Variants in MAPRE2 observed in about 807,000 individuals in gnomAD.
MAPRE2 encodes the protein microtubule associated protein RP/EB family member 2.
In MAPRE2, 13 loss-of-function variants were observed where a neutral mutation model predicts 43.2. The ratio of observed to expected loss-of-function variants is 0.30; its 90% CI spans 0.20 to 0.48. The LOEUF (loss-of-function observed/expected upper bound fraction) is 0.48, where lower values mean the gene tolerates loss of function less well. Among genes scored for constraint, MAPRE2 ranks in the 20% least tolerant of loss-of-function variants. The pLI is 0.99. For synonymous variants in MAPRE2, 135 were observed against 148.8 expected, an observed-to-expected ratio of 0.91 and a Z score of 0.68; for missense variants, 161 against 400.2, an observed-to-expected ratio of 0.40 and a Z score of 5.10.
chr18:35,085,797 C>G (rs566408), intron 2 of MAPRE2, among the ~76,000 whole-genome samples: 112,236 of 152,118 alleles, frequency 0.74, 42,613 homozygotes, highest in African/African-American at 0.93. Flanking sequence ...ACGTTTTGCA[C>G]ATAAGAATAC....
intron 1 of MAPRE2, among the ~76,000 whole-genome samples, chr18:34,992,726 G>A (rs2097024437): frequency 6.6e-6 from 1 of 152,162 alleles, no homozygotes; most frequent in Non-Finnish European, 1.5e-5. Flanking sequence ...CTTTAAATTG[G>A]AATAGGCAGA....
In MAPRE2 at chr18:35,126,963, G is replaced by A; in HGVS notation, c.626G>A (p.Ser209Asn). ...TTGCTTTCAGGTGCAGCTAAATCAA[G>A]TCCAGCAGCTAAACCAGGATCCACA... The part of the protein sequence containing the change: ...NSPTAGAAKS[S>N]PAAKPGSTPS... Residue 209 changes from serine to asparagine, a missense_variant, in exon 5 of 7, where the codon AGT (serine) becomes AAT (asparagine). Transcript: ENST00000300249. 1.2e-6 allele frequency: 2 copies of A among 1,613,936 alleles called. No individual in the cohort carries two copies. Among genetic ancestry groups the A allele is most frequent in the Non-Finnish European group, 1.7e-6 (2 of 1,179,936 alleles).
At chr18:35,080,812 GC>G (rs113792705) in intron 2 of MAPRE2, among the ~76,000 whole-genome samples, 42,493 of 151,366 alleles carry the variant, frequency 0.28, 8,146 homozygotes, top group African/African-American at 0.53. Flanking sequence ...TTTTCAGATT[GC>G]GTTTTTTTTT....
chr18:34,985,111 T>C (rs568198416), intron 1 of MAPRE2, among the ~76,000 whole-genome samples: 27 of 86,192 alleles, frequency 3.1e-4, no homozygotes, highest in African/African-American at 1.3e-3. Flanking sequence ...TATATAAATA[T>C]TATATACTAT....
intron 6 of MAPRE2, among the ~76,000 whole-genome samples, chr18:35,137,651 C>G (rs1334052028): frequency 6.6e-6 from 1 of 152,222 alleles, no homozygotes; most frequent in South Asian, 2.1e-4. Context: ...ACCACACTCA[C>G]GTTCAAGAGT....
intron 1 of MAPRE2, among the ~76,000 whole-genome samples, chr18:35,054,977 A>C (rs752629793): frequency 6.6e-6 from 1 of 152,238 alleles, no homozygotes; most frequent in African/African-American, 2.4e-5. Context: ...TGTTAAAATA[A>C]AATTCTGAAA....
Position 35,140,356 on chromosome 18 carries a change from A to G in MAPRE2, c.971A>G (p.Gln324Arg). 1 of 1,613,036 alleles carries G rather than the reference A, an allele frequency of 6.2e-7. No homozygotes were observed. Among genetic ancestry groups the G allele is most frequent in the Non-Finnish European group, 8.5e-7 (1 of 1,179,570 alleles). ...EQAHEQQPPQQEEY is the reference protein window; with the variant it reads ...EQAHEQQPPQREEY ...GCCCACGAACAGCAGCCCCCGCAGC[A>G]GGAAGAGTACTGACCCACCCCGGCT... Residue 324 changes from glutamine (Q) to arginine (R), a missense_variant, in exon 7 of 7, where the codon CAG becomes CGG. Physicochemically the swap from Gln to Arg is conservative, Grantham distance 43. This residue lies in a region of MAPRE2 where 96 missense variants were observed against 153.3 expected (regional missense o/e 0.63). Coordinates refer to ENST00000300249, the MANE Select transcript of MAPRE2 (RefSeq NM_014268.4).
intron 1 of MAPRE2, among the ~76,000 whole-genome samples, chr18:35,063,471 A>C (rs1381676855): frequency 7.1e-6 from 1 of 140,170 alleles, no homozygotes; most frequent in Non-Finnish European, 1.5e-5. Context: ...GGAGTGACAT[A>C]AAGAAGGTAA....
chr18:34,993,751 T>A (rs1224456736), intron 1 of MAPRE2, among the ~76,000 whole-genome samples: 1 of 152,184 alleles, frequency 6.6e-6, no homozygotes, highest in African/African-American at 2.4e-5. Context: ...TGACACTTTC[T>A]CACTCCTGAT....
chr18:35,080,763 A>G (rs898216223), intron 2 of MAPRE2, among the ~76,000 whole-genome samples: 4 of 152,220 alleles, frequency 2.6e-5, no homozygotes, highest in African/African-American at 9.6e-5. Flanking sequence ...TGGAAACAGA[A>G]TAATGAAATT....
chr18:35,003,752 T>C (rs762072597), intron 1 of MAPRE2, among the ~76,000 whole-genome samples: 4 of 152,246 alleles, frequency 2.6e-5, no homozygotes, highest in African/African-American at 4.8e-5. Context: ...AATTTCATTC[T>C]GATTCAGTTG....
At chr18:35,045,892 A>T (rs1365383931) in intron 1 of MAPRE2, among the ~76,000 whole-genome samples, 1 of 152,344 alleles carries the variant, frequency 6.6e-6, no homozygotes, top group East Asian at 1.9e-4. Flanking sequence ...ATGCTTTAGT[A>T]CATGCCCAAC....
intron 1 of MAPRE2, among the ~76,000 whole-genome samples, chr18:34,991,667 C>A (rs554615366): frequency 1.3e-5 from 2 of 152,228 alleles, no homozygotes; most frequent in South Asian, 4.1e-4. Context: ...GTATGTCAGG[C>A]TGTCTTTCTG....
intron 3 of MAPRE2, among the ~76,000 whole-genome samples, chr18:35,100,656 T>C (rs1192960822): frequency 1.3e-5 from 2 of 152,198 alleles, no homozygotes. Context: ...ATTTTATTGA[T>C]TTAAATCTTA....
chr18:35,042,280 T>C (rs1479804971), intron 1 of MAPRE2, among the ~76,000 whole-genome samples: 1 of 152,198 alleles, frequency 6.6e-6, no homozygotes, highest in Non-Finnish European at 1.5e-5. Context: ...TGCAAAGGAC[T>C]TGAAAAAAAC....
At chr18:35,081,731 C>T (rs938384985) in intron 2 of MAPRE2, among the ~76,000 whole-genome samples, 1 of 152,132 alleles carries the variant, frequency 6.6e-6, no homozygotes, top group African/African-American at 2.4e-5. Flanking sequence ...GGATAGTGAC[C>T]TCAGCCTCAA....
chr18:35,118,217 C>T (rs1233788844), intron 4 of MAPRE2, among the ~76,000 whole-genome samples: 2 of 152,124 alleles, frequency 1.3e-5, no homozygotes, highest in Non-Finnish European at 2.9e-5. Flanking sequence ...GCCATGCCCT[C>T]GGCAGGCCCC....
intron 2 of MAPRE2, among the ~76,000 whole-genome samples, chr18:35,073,767 G>C (rs1288537013): frequency 1.3e-5 from 2 of 152,140 alleles, no homozygotes; most frequent in Non-Finnish European, 2.9e-5. Flanking sequence ...CCTCACATTG[G>C]TGTTGTGTTT....
chr18:34,982,955 A>T (rs1851475427), intron 1 of MAPRE2, among the ~76,000 whole-genome samples: 2 of 152,228 alleles, frequency 1.3e-5, no homozygotes, highest in African/African-American at 4.8e-5. Context: ...ATAAAGTTTT[A>T]TTGGACTGCA....
Sources: gnomAD v4.1 joint callset for allele counts (sites outside exome capture counted in the v4.1 genomes callset) on GRCh38, gnomAD v4.1.1 for gene constraint, gnomAD v4.1.1 regional missense constraint, MANE v1.5 for transcripts, NCBI Gene and HGNC (gene_info 2026-07-23, HGNC 2026-07-21) for gene names.